The following ERBB4 variants were observed in gnomAD, a reference collection of about 807,000 sequenced individuals.
ERBB4 encodes the protein receptor tyrosine-protein kinase erbB-4.
Under a neutral mutation model 158.0 loss-of-function variants are expected in ERBB4, and 42 were observed. That is an observed-to-expected ratio of 0.27 (90% CI 0.21 to 0.34). The LOEUF (loss-of-function observed/expected upper bound fraction) is 0.34. Ranked by LOEUF, ERBB4 falls within the 10% of genes least tolerant of loss-of-function variation. ERBB4 has a pLI of 1.00. For missense variants in ERBB4, 1,333 were observed against 1,624.1 expected (o/e 0.82, Z 3.08); for synonymous variants, 583 against 558.7 (o/e 1.04, Z -0.61).
chr2:211,986,732 C>T (rs528357187), intron 2 of ERBB4, among the ~76,000 whole-genome samples: 3 of 152,226 alleles, frequency 2.0e-5, no homozygotes, highest in East Asian at 1.9e-4. Flanking sequence ...TTAGGTAACA[C>T]TTGCAAGCAT....
rs535688160 is a variant in ERBB4, at chr2:212,135,944, G to A, written c.83-11041C>T. On this transcript the variant is annotated intron_variant, in intron 1 of 27. Coordinates refer to ENST00000342788, the MANE Select transcript of ERBB4 (RefSeq NM_005235.3). ...TGGATGCACTTTCACAGATTAAGAGGGACAGTGCAAACCTCCAAGCTGGTA... is the reference window on the plus strand; with the variant it reads ...TGGATGCACTTTCACAGATTAAGAGAGACAGTGCAAACCTCCAAGCTGGTA... 2.7e-4 allele frequency among the ~76,000 whole-genome samples: 41 copies of A among 152,194 alleles called. No homozygotes were observed. In the South Asian group the frequency reaches 3.3e-3, roughly 12 times the overall value.
chr2:212,459,332 C>T (rs1560384016), intron 1 of ERBB4, among the ~76,000 whole-genome samples: 3 of 150,636 alleles, frequency 2.0e-5, no homozygotes, highest in African/African-American at 7.4e-5. Context: ...CAAAACTACA[C>T]ATAATTTACA....
chr2:212,052,467 C>G (rs753162517), intron 2 of ERBB4, among the ~76,000 whole-genome samples: 1 of 152,176 alleles, frequency 6.6e-6, no homozygotes, highest in Non-Finnish European at 1.5e-5. Flanking sequence ...ACACATCTAT[C>G]CTACTAGTTC....
At chr2:212,396,856 T>G (rs2106451329) in intron 1 of ERBB4, among the ~76,000 whole-genome samples, 1 of 152,286 alleles carries the variant, frequency 6.6e-6, no homozygotes, top group African/African-American at 2.4e-5. Context: ...TAAGAATTTC[T>G]TCAAAGTTTT....
chr2:211,747,066 A>C (rs1225468764), intron 5 of ERBB4, among the ~76,000 whole-genome samples: 1 of 152,128 alleles, frequency 6.6e-6, no homozygotes, highest in Non-Finnish European at 1.5e-5. Flanking sequence ...TCAAAAATGG[A>C]AACCTCAATT....
At chr2:211,654,589 C>CCAA (rs2071139973) in intron 16 of ERBB4, among the ~76,000 whole-genome samples, 1 of 152,120 alleles carries the variant, frequency 6.6e-6, no homozygotes, top group African/African-American at 2.4e-5. Flanking sequence ...GATTATTATG[C>CCAA]CAACATTTCA....
chr2:211,917,975 C>T (rs966369668), intron 3 of ERBB4, among the ~76,000 whole-genome samples: 10 of 152,124 alleles, frequency 6.6e-5, no homozygotes, highest in African/African-American at 2.2e-4. Context: ...AATGAGACTC[C>T]AAGCTCTTGT....
At chr2:211,754,454 T>G (rs1489101339) in intron 4 of ERBB4, among the ~76,000 whole-genome samples, 4 of 146,750 alleles carry the variant, frequency 2.7e-5, no homozygotes, top group Non-Finnish European at 6.0e-5. Flanking sequence ...CAGGCTGGAG[T>G]GCAGTGGCGC....
At chr2:211,527,113 G>T (rs1439856334) in intron 20 of ERBB4, among the ~76,000 whole-genome samples, 1 of 152,062 alleles carries the variant, frequency 6.6e-6, no homozygotes. Context: ...ACACTAACCA[G>T]ATTTAACCCA....
intron 1 of ERBB4, among the ~76,000 whole-genome samples, chr2:212,139,033 G>A (rs2080360309): frequency 6.6e-6 from 1 of 152,070 alleles, no homozygotes; most frequent in Admixed American, 6.6e-5. Flanking sequence ...AATTTGGAGT[G>A]TTTTCCCATA....
At chr2:211,513,713 G>C (rs12694234) in intron 20 of ERBB4, among the ~76,000 whole-genome samples, 33,078 of 151,854 alleles carry the variant, frequency 0.22, 3,817 homozygotes, top group African/African-American at 0.28. Flanking sequence ...TTTGGCAGGC[G>C]CCCCCAACCC....
At chr2:211,755,916 C>T (rs2075277889) in intron 4 of ERBB4, among the ~76,000 whole-genome samples, 1 of 152,228 alleles carries the variant, frequency 6.6e-6, no homozygotes, top group Non-Finnish European at 1.5e-5. Flanking sequence ...TAGCTAAAGG[C>T]AACGCAGTTA....
At chr2:211,905,926 T>A (rs1250039879) in intron 3 of ERBB4, among the ~76,000 whole-genome samples, 1 of 151,390 alleles carries the variant, frequency 6.6e-6, no homozygotes, top group East Asian at 2.0e-4. Context: ...AGGGTGTTTG[T>A]GCACTTGAGA....
chr2:211,570,314 G>A (rs1234995534), intron 19 of ERBB4, among the ~76,000 whole-genome samples: 1 of 117,412 alleles, frequency 8.5e-6, no homozygotes, highest in African/African-American at 3.9e-5. Context: ...ACCACACTTG[G>A]CTAATTTTTG....
intron 1 of ERBB4, among the ~76,000 whole-genome samples, chr2:212,145,719 G>A (rs1575700408): frequency 1.0e-5 from 1 of 97,504 alleles, no homozygotes; most frequent in East Asian, 3.0e-4. Context: ...GAAGCAGCCA[G>A]CATGCAGTAA....
intron 3 of ERBB4, among the ~76,000 whole-genome samples, chr2:211,837,226 G>A (rs1023742464): frequency 1.3e-5 from 2 of 152,004 alleles, no homozygotes; most frequent in South Asian, 2.1e-4. Context: ...GAATCTGTTC[G>A]ATTCACAGCT....
intron 2 of ERBB4, among the ~76,000 whole-genome samples, chr2:212,000,627 G>C (rs2076081348): frequency 6.6e-6 from 1 of 151,746 alleles, no homozygotes; most frequent in East Asian, 1.9e-4. Flanking sequence ...AATTTAGCTA[G>C]GGACGTGAAA....
At chr2:211,516,152 G>A (rs1293362056) in intron 20 of ERBB4, among the ~76,000 whole-genome samples, 3 of 150,788 alleles carry the variant, frequency 2.0e-5, no homozygotes, top group Admixed American at 6.6e-5. Flanking sequence ...TACTAACCTC[G>A]TGATCCGCCC....
chr2:211,572,520 G>C (rs938908751), intron 19 of ERBB4, among the ~76,000 whole-genome samples: 2 of 152,154 alleles, frequency 1.3e-5, no homozygotes. Context: ...CCAGTGCAAA[G>C]CAGTGGTACA....
Sources: allele counts gnomAD v4.1 joint callset (sites outside exome capture counted in the v4.1 genomes callset), GRCh38; gene constraint gnomAD v4.1.1; transcripts MANE v1.5; gene names NCBI Gene and HGNC (gene_info 2026-07-23, HGNC 2026-07-21).